CCDC90B: variants seen among roughly 807,000 people sequenced by gnomAD.
CCDC90B encodes coiled-coil domain-containing protein 90B, mitochondrial.
Under a neutral mutation model 37.0 loss-of-function variants are expected in CCDC90B, and 24 were observed. The ratio of observed to expected loss-of-function variants is 0.65; its 90% CI spans 0.47 to 0.91. The LOEUF (loss-of-function observed/expected upper bound fraction) is 0.91, where lower values mean the gene tolerates loss of function less well. CCDC90B is among the 40% of genes least tolerant of loss of function. CCDC90B has a pLI of 0.00. For synonymous variants in CCDC90B, 113 were observed against 101.1 expected (o/e 1.12, Z -0.71); for missense variants, 319 against 299.0 (o/e 1.07, Z -0.49).
intron 1 of CCDC90B, 52 bp from the exon 2 acceptor site, chr11:83,280,312 C>G: frequency 6.6e-7 from 1 of 1,516,740 alleles, no homozygotes; most frequent in Middle Eastern, 1.8e-4. Context: ...GCTTACAAAG[C>G]TACTTTAGCT....
In CCDC90B at chr11:83,269,456, A is replaced by AT. The variant is rs1468109311; in HGVS notation, c.595-3478_595-3477insA. 5.3e-5 allele frequency among the ~76,000 whole-genome samples: 8 copies of AT among 152,288 alleles called. No homozygotes were observed. The South Asian group carries it at 1.7e-3, about 32-fold the overall frequency. On this transcript the variant is annotated intron_variant, in intron 7 of 8. Coordinates refer to ENST00000529689, the MANE Select transcript of CCDC90B (RefSeq NM_021825.5). ...AAGAGAGAAGAATCAAATAGATGCA[A>AT]CAAAAAATGATAAAGGGGATATCAC...
rs1035822633 is a variant in CCDC90B at position 83,261,455 on chromosome 11, C to G, written c.*456G>C. ...TAAGTCACTTTGAAAACCCACACAA[C>G]TTTGTTGTAATAATCTTTCATTTTA... On this transcript the variant is annotated 3_prime_UTR_variant, in exon 9 of 9. Transcript: ENST00000529689. 1 of 152,266 alleles carries G rather than the reference C, an allele frequency of 6.6e-6. No homozygotes were observed. The highest frequency in any genetic ancestry group is 1.5e-5 in the Non-Finnish European group (1 of 68,122). 9.4% of individuals were successfully genotyped at this position (152,266 alleles called of 1,614,324 possible). A position where few individuals can be genotyped will look rare whatever the true frequency, so the allele number is the denominator to read the frequency against.
rs540759142 is a variant in CCDC90B, at chr11:83,268,514, C to A, written c.595-2535G>T. On this transcript the variant is annotated intron_variant, in intron 7 of 8. Transcript: ENST00000529689. ...CAAAGATCAAAAGAGACAAAGAAGG[C>A]CATTACATAATGGTAAAGGGATCAA... 3.3e-5 allele frequency among the ~76,000 whole-genome samples: 5 copies of A among 151,724 alleles called. No homozygotes were observed. In the East Asian group the frequency reaches 7.7e-4, roughly 23 times the overall value.
chr11:83,278,922 A>G (rs1325025800), intron 2 of CCDC90B, 93 bp from the exon 3 acceptor site: 2 of 662,478 alleles, frequency 3.0e-6, no homozygotes, highest in Non-Finnish European at 5.3e-6. Context: ...TTAAATTGTT[A>G]TACTCTTTTA....
intron 7 of CCDC90B, among the ~76,000 whole-genome samples, chr11:83,272,945 G>A (rs769091342): frequency 2.1e-4 from 32 of 152,248 alleles, no homozygotes; most frequent in Admixed American, 4.6e-4. Flanking sequence ...TTTCCCTAGT[G>A]ACACCACTTA....
chr11:83,269,887 G>A (rs948213234), intron 7 of CCDC90B, among the ~76,000 whole-genome samples: 1 of 152,104 alleles, frequency 6.6e-6, no homozygotes, highest in Non-Finnish European at 1.5e-5. Context: ...CGTGATGAAC[G>A]TCGATGCGAA....
intron 4 of CCDC90B, 53 bp downstream of exon 4, chr11:83,274,586 T>A: frequency 9.8e-7 from 1 of 1,022,772 alleles, no homozygotes; most frequent in Admixed American, 2.2e-5. Context: ...TTAAGTAGGA[T>A]GCTTATTATG....
intron 1 of CCDC90B, chr11:83,285,184 T>A: frequency 7.8e-7 from 1 of 1,285,194 alleles, no homozygotes; most frequent in Non-Finnish European, 1.0e-6. Context: ...TCGCCTATTT[T>A]GTGGACAACC....
intron 7 of CCDC90B, among the ~76,000 whole-genome samples, chr11:83,272,943 G>A (rs763406224): frequency 2.6e-5 from 4 of 152,126 alleles, no homozygotes; most frequent in Non-Finnish European, 4.4e-5. Flanking sequence ...CTTTTCCCTA[G>A]TGACACCACT....
chr11:83,272,255 A>T (rs1017874636), intron 7 of CCDC90B, among the ~76,000 whole-genome samples: 63 of 152,016 alleles, frequency 4.1e-4, no homozygotes, highest in South Asian at 6.3e-4. Context: ...ATTAAAAAAA[A>T]TTTTTTTTTA....
rs541952587 is a variant in CCDC90B at position 83,273,851 on chromosome 11, C to T, written c.482G>A (p.Arg161Gln). 1.9e-5 allele frequency: 31 copies of T among 1,608,260 alleles called. No individual in the cohort carries two copies. In the East Asian group the frequency reaches 2.7e-4, roughly 14 times the overall value. ...ATCCAGTTTATTATCTGCTCTGATTCGACTGGTTTCATGCTTTAAAGAAAG... is the reference window on the plus strand; with the variant it reads ...ATCCAGTTTATTATCTGCTCTGATTTGACTGGTTTCATGCTTTAAAGAAAG... ...VKQQLMHETS[R>Q]IRADNKLDIN... Residue 161 changes from arginine (R) to glutamine (Q), a missense_variant, in exon 6 of 9, where the codon CGA becomes CAA. Physicochemically the swap from Arg to Gln is conservative, Grantham distance 43. Coordinates refer to ENST00000529689, the MANE Select transcript of CCDC90B (RefSeq NM_021825.5).
intron 3 of CCDC90B, among the ~76,000 whole-genome samples, chr11:83,276,534 G>C (rs1424646483): frequency 2.0e-5 from 3 of 152,154 alleles, no homozygotes; most frequent in Non-Finnish European, 2.9e-5. Flanking sequence ...ATTTTTAGTA[G>C]AGACAGGGTT....
At chr11:83,285,337 G>T in intron 1 of CCDC90B, 1 of 1,186,628 alleles carries the variant, frequency 8.4e-7, no homozygotes, top group Non-Finnish European at 1.1e-6. Context: ...GTGCCAACAG[G>T]TTGGAAACTT....
Position 83,265,956 on chromosome 11 carries a change from A to T in CCDC90B, c.618T>A (p.Ile206=), listed in dbSNP as rs745791148. ...TKKDTQTKSI[I]SETSNKIDAE... The stretch of plus-strand genomic sequence containing the variant: ...CGTCAATTTTATTACTGGTCTCTGA[A>T]ATAATACTTTTGGTTTGAGTATCCT... The change falls in exon 8 of 9, where the codon ATT becomes ATA. Residue 206 remains isoleucine (I), a synonymous_variant. Transcript: ENST00000529689. 6.2e-7 allele frequency: 1 copy of T among 1,608,076 alleles called. No individual in the cohort carries two copies. Among genetic ancestry groups the T allele is most frequent in the Admixed American group, 1.7e-5 (1 of 59,952 alleles).
rs751399939 is a variant in CCDC90B at position 83,274,038 on chromosome 11, A to G, written c.427-46T>C. The G allele has an allele frequency of 2.2e-6, 3 of 1,387,758 alleles. No individual in the cohort carries two copies. In the African/African-American group the frequency reaches 4.4e-5, roughly 20 times the overall value. The allele number at this position is 1,387,758 out of a possible 1,614,324, so 86.0% of individuals were successfully genotyped here. On this transcript the variant is annotated intron_variant, in intron 4 of 8. Coordinates refer to ENST00000529689, the MANE Select transcript of CCDC90B (RefSeq NM_021825.5). ...ATGCAATTAGCATTAAACCAAGTCT[A>G]TATTATGATTAAAAAAATCTGAAAC... is the stretch of plus-strand genomic sequence containing the variant.
Position 83,280,250 on chromosome 11 carries a change from A to G in CCDC90B, c.111T>C (p.Thr37=), listed in dbSNP as rs775212329. ...TATCATATCCCTCCTTGGTTGTGGT[A>G]GTGAAGAACTCTGAAAGAGAAGACA... ...FSPALRREFF[T]TTTKEGYDRR... is the part of the protein sequence containing the mutation. The change falls in exon 2 of 9, where the codon ACT becomes ACC. Residue 37 remains threonine, a synonymous_variant. Coordinates refer to ENST00000529689, the MANE Select transcript of CCDC90B (RefSeq NM_021825.5). 3 of 1,612,550 alleles carry G rather than the reference A, an allele frequency of 1.9e-6. No homozygotes were observed. Among genetic ancestry groups the G allele is most frequent in the African/African-American group, 1.3e-5 (1 of 74,864 alleles).
chr11:83,285,236 G>T (rs1415203872), intron 1 of CCDC90B: 2 of 1,283,180 alleles, frequency 1.6e-6, no homozygotes, highest in Non-Finnish European at 1.0e-6. Context: ...AAAAAACTGG[G>T]GGTGAAAAAC....
At chr11:83,274,593 T>G (rs780731257) in intron 4 of CCDC90B, 46 bp downstream of exon 4, 3 of 1,141,618 alleles carry the variant, frequency 2.6e-6, no homozygotes, top group Non-Finnish European at 3.8e-6. Context: ...GGATGCTTAT[T>G]ATGAGATCAG....
Position 83,261,251 on chromosome 11 carries a change from G to A in CCDC90B, c.*660C>T, listed in dbSNP as rs968654353. The stretch of plus-strand genomic sequence containing the variant: ...CTGGCTAATTTTTGTATTTTTAGCA[G>A]AGACGGGGTTTCACCATGTTGGCCA... On this transcript the variant is annotated 3_prime_UTR_variant, in exon 9 of 9. Transcript: ENST00000529689. The A allele has an allele frequency of 6.6e-6, 1 of 152,172 alleles. No individual in the cohort carries two copies. The allele number at this position is 152,172 out of a possible 1,614,324, so 9.4% of individuals were successfully genotyped here. A position where few individuals can be genotyped will look rare whatever the true frequency, so the allele number is the denominator to read the frequency against.
Sources: allele counts gnomAD v4.1 joint callset (sites outside exome capture counted in the v4.1 genomes callset), GRCh38; gene constraint gnomAD v4.1.1; transcripts MANE v1.5; gene names NCBI Gene and HGNC (gene_info 2026-07-23, HGNC 2026-07-21).